Variants in GRID2IP observed in about 807,000 individuals in gnomAD.
The protein encoded by GRID2IP is Grid2 interacting protein, also known as delphilin.
GRID2IP carries 78 observed loss-of-function variants against 114.3 expected under a neutral mutation model. The ratio of observed to expected loss-of-function variants is 0.68; its 90% confidence interval spans 0.57 to 0.82. GRID2IP has a LOEUF of 0.82. Ranked by LOEUF, GRID2IP falls within the 40% of genes least tolerant of loss-of-function variation. GRID2IP has a pLI of 0.00. For synonymous variants in GRID2IP, 809 were observed against 724.0 expected, an observed-to-expected ratio of 1.12 and a Z score of -1.89; for missense variants, 1,727 against 1,678.5, an observed-to-expected ratio of 1.03 and a Z score of -0.51.
At chr7:6,501,415 G>C (rs928964267) in intron 20 of GRID2IP, among the ~76,000 whole-genome samples, 1 of 152,020 alleles carries the variant, frequency 6.6e-6, no homozygotes, top group Non-Finnish European at 1.5e-5. Flanking sequence ...TATAATCCAG[G>C]ATGGGACCTG....
chr7:6,508,963 C>G lies in GRID2IP; in HGVS notation c.2122G>C (p.Glu708Gln). ...DDFLTPENDY[E>Q]EMSFHDDQGS... ...ACACCTGCTTGCGTGCCCACCTCCT[C>G]GTAGTCGTTCTCCGGGGTCAGGAAA... The change falls in exon 12 of 22, where the codon GAG becomes CAG. Residue 708 changes from glutamate to glutamine, a missense_variant. Coordinates refer to ENST00000457091, the MANE Select transcript of GRID2IP (RefSeq NM_001145118.2). The surrounding 1 kb of genome is among the most constrained non-coding windows in gnomAD (Gnocchi z 5.6). The G allele has an allele frequency of 6.5e-7, 1 of 1,546,450 alleles. No homozygotes were observed. Among genetic ancestry groups the G allele is most frequent in the Non-Finnish European group, 8.7e-7 (1 of 1,146,528 alleles).
intron 1 of GRID2IP, among the ~76,000 whole-genome samples, chr7:6,550,701 C>G (rs1406357597): frequency 2.0e-5 from 3 of 148,816 alleles, no homozygotes; most frequent in Non-Finnish European, 4.5e-5. Flanking sequence ...TGGTGGCAAA[C>G]GCCTGTAATC....
In GRID2IP at chr7:6,503,542, G is replaced by T. The variant is rs1350304466; in HGVS notation, c.2856C>A (p.Ala952=). The T allele has an allele frequency of 6.5e-7, 1 of 1,527,486 alleles. No individual in the cohort carries two copies. Among genetic ancestry groups the T allele is most frequent in the Non-Finnish European group, 8.7e-7 (1 of 1,143,732 alleles). The allele number at this position is 1,527,486 out of a possible 1,614,324, so 94.6% of individuals were successfully genotyped here. Residue 952 remains alanine, a synonymous_variant, in exon 16 of 22, where the codon GCC becomes GCA. Coordinates refer to ENST00000457091, the MANE Select transcript of GRID2IP (RefSeq NM_001145118.2). Reference sequence around the variant, plus strand: ...TGAGGCGGCCGGGCGCCTCGCGGAAGGCCTGGTAGCGCTGCTCCTCGTCGG... The same window carrying T: ...TGAGGCGGCCGGGCGCCTCGCGGAATGCCTGGTAGCGCTGCTCCTCGTCGG... The part of the protein sequence containing the change: ...PDADEEQRYQ[A]FREAPGRLSE...
intron 7 of GRID2IP, among the ~76,000 whole-genome samples, chr7:6,517,215 C>T (rs569846710): frequency 2.7e-5 from 4 of 150,140 alleles, no homozygotes; most frequent in Admixed American, 6.7e-5. Flanking sequence ...CCACCACGCC[C>T]GGCTATTTTT....
intron 2 of GRID2IP, 52 bp downstream of exon 2, chr7:6,539,666 G>A (rs759542326): frequency 2.8e-5 from 41 of 1,471,176 alleles, no homozygotes; most frequent in Non-Finnish European, 3.2e-5. Context: ...GGGAATGATG[G>A]CTCTAAGTGA....
At chr7:6,522,807 A>ATGTGTGTGTG (rs72277817) in intron 4 of GRID2IP, among the ~76,000 whole-genome samples, 4,144 of 147,556 alleles carry the variant, frequency 0.028, 83 homozygotes, top group Middle Eastern at 0.094. Flanking sequence ...CCTGGCTAAT[A>ATGTGTGTGTG]TGTGTGTGTG....
At chr7:6,545,044 G>A (rs1306480691) in intron 1 of GRID2IP, among the ~76,000 whole-genome samples, 4 of 152,078 alleles carry the variant, frequency 2.6e-5, no homozygotes, top group Admixed American at 1.3e-4. Context: ...CCGAGATCGC[G>A]CCACTGCACT....
Position 6,498,239 on chromosome 7 carries a change from T to C in GRID2IP, c.3400-11A>G. 1 of 1,531,322 alleles carries C rather than the reference T, an allele frequency of 6.5e-7. No homozygotes were observed. Among genetic ancestry groups the C allele is most frequent in the Non-Finnish European group, 8.8e-7 (1 of 1,139,280 alleles). 94.9% of individuals were successfully genotyped at this position (1,531,322 alleles called of 1,614,324 possible). A position where few individuals can be genotyped will look rare whatever the true frequency, so the allele number is the denominator to read the frequency against. On this transcript the variant is annotated splice_polypyrimidine_tract_variant and intron_variant, in intron 20 of 21. Coordinates refer to ENST00000457091, the MANE Select transcript of GRID2IP (RefSeq NM_001145118.2). ...CGTCTCCAGGAAGGACTGACAGGCC[T>C]CAGTTAAGGAAACAGCCAGCCCGCT... is the stretch of plus-strand genomic sequence containing the variant.
At position 6,532,444 on chromosome 7, in the gene GRID2IP, G is replaced by A. The variant is rs890374776; in HGVS notation, c.585-5675C>T. On this transcript the variant is annotated intron_variant, in intron 2 of 21. Coordinates refer to ENST00000457091, the MANE Select transcript of GRID2IP (RefSeq NM_001145118.2). This position sits in a 1 kb window ranked among gnomAD's most constrained non-coding sequence, Gnocchi z 4.4. The stretch of plus-strand genomic sequence containing the variant: ...GGGAGGACCCTCTGGTCCGATCATC[G>A]GTCTCTGGTACTGTCCACGCACTGC... Among the ~76,000 whole-genome samples the A allele has an allele frequency of 6.6e-6, 1 of 152,164 alleles. No homozygotes were observed. The highest frequency in any genetic ancestry group is 2.4e-5 in the African/African-American group (1 of 41,426).
intron 1 of GRID2IP, among the ~76,000 whole-genome samples, chr7:6,546,755 C>T (rs572858683): frequency 1.3e-5 from 2 of 151,982 alleles, no homozygotes; most frequent in East Asian, 1.9e-4. Flanking sequence ...GGCAGCCTGT[C>T]GGATTCTACC....
chr7:6,520,058 G>C lies in GRID2IP; in HGVS notation c.1268+520C>G, dbSNP rs971369924. 6.6e-6 allele frequency among the ~76,000 whole-genome samples: 1 copy of C among 152,050 alleles called. No homozygotes were observed. Among genetic ancestry groups the C allele is most frequent in the Non-Finnish European group, 1.5e-5 (1 of 68,004 alleles). On this transcript the variant is annotated intron_variant, in intron 7 of 21. Coordinates refer to ENST00000457091, the MANE Select transcript of GRID2IP (RefSeq NM_001145118.2). This position sits in a 1 kb window ranked among gnomAD's most constrained non-coding sequence, Gnocchi z 4.6. Reference sequence around the variant, plus strand: ...TGGGAGGCCGAGGCGGGCAGATCACGAGGTCAGGAGTTTGAGACCAGCCTG... The same window carrying C: ...TGGGAGGCCGAGGCGGGCAGATCACCAGGTCAGGAGTTTGAGACCAGCCTG...
chr7:6,504,482 A>C (rs1007881012), intron 15 of GRID2IP, among the ~76,000 whole-genome samples: 3 of 148,442 alleles, frequency 2.0e-5, no homozygotes, highest in Non-Finnish European at 3.0e-5. Flanking sequence ...GAGACGCTAG[A>C]TTGAGAAGCT....
intron 2 of GRID2IP, among the ~76,000 whole-genome samples, chr7:6,538,797 C>A (rs891820413): frequency 2.0e-5 from 3 of 151,218 alleles, no homozygotes; most frequent in Admixed American, 1.3e-4. Flanking sequence ...TTGCTTGAAC[C>A]GGGGAGGCAG....
rs371454773 is a variant in GRID2IP at position 6,520,560 on chromosome 7, C to T, written c.1268+18G>A. ...GCCCACCCAGGGCAGGGCCCCACCG[C>T]GGCTTTGGCCCGGCCACCTGTGCTG... On this transcript the variant is annotated intron_variant, in intron 7 of 21. Coordinates refer to ENST00000457091, the MANE Select transcript of GRID2IP (RefSeq NM_001145118.2). This position sits in a 1 kb window ranked among gnomAD's most constrained non-coding sequence, Gnocchi z 4.6. The T allele has an allele frequency of 3.3e-4, 509 of 1,546,478 alleles. 4 individuals are homozygous for T. The African/African-American group carries it at 6.0e-3, about 18-fold the overall frequency.
Position 6,528,900 on chromosome 7 carries a change from C to T in GRID2IP, c.585-2131G>A, listed in dbSNP as rs899237967. ...TCCTGCAAATCCGGAAACACAGCCT[C>T]ATCCCCCAGATGGTCATTTAAGGTC... On this transcript the variant is annotated intron_variant, in intron 2 of 21. Coordinates refer to ENST00000457091, the MANE Select transcript of GRID2IP (RefSeq NM_001145118.2). The surrounding 1 kb of genome is among the most constrained non-coding windows in gnomAD (Gnocchi z 6.0). Among the ~76,000 whole-genome samples the T allele has an allele frequency of 6.6e-6, 1 of 152,164 alleles. No individual in the cohort carries two copies. Among genetic ancestry groups the T allele is most frequent in the African/African-American group, 2.4e-5 (1 of 41,444 alleles).
rs1382760491 is a variant in GRID2IP at position 6,520,272 on chromosome 7, T to TA, written c.1268+305dup. On this transcript the variant is annotated intron_variant, in intron 7 of 21. Coordinates refer to ENST00000457091, the MANE Select transcript of GRID2IP (RefSeq NM_001145118.2). This position sits in a 1 kb window ranked among gnomAD's most constrained non-coding sequence, Gnocchi z 4.6. The stretch of plus-strand genomic sequence containing the variant: ...TCATCATTGCACTCCAGCTGGGTGA[T>TA]AGAGCGAGACTCCATCTCAAAAAAA... Among the ~76,000 whole-genome samples the TA allele has an allele frequency of 2.0e-5, 3 of 150,286 alleles. No homozygotes were observed. The highest frequency in any genetic ancestry group is 5.0e-5 in the African/African-American group (2 of 40,194).
rs1174491400 is a variant in GRID2IP, at chr7:6,506,702, G to A, written c.2545-795C>T. Among the ~76,000 whole-genome samples, 3 of 125,098 alleles carry A rather than the reference G, an allele frequency of 2.4e-5. No individual in the cohort carries two copies. Among genetic ancestry groups the A allele is most frequent in the Non-Finnish European group, 4.9e-5 (3 of 60,928 alleles). The allele number at this position is 125,098 out of a possible 152,430, so 82.1% of individuals were successfully genotyped here. On this transcript the variant is annotated intron_variant, in intron 13 of 21. Transcript: ENST00000457091. This position sits in a 1 kb window ranked among gnomAD's most constrained non-coding sequence, Gnocchi z 5.2. ...AGGTATTTTTTTTTTTTTTTTTTTA[G>A]ATAGGGTCTCACTCTGTACCCCAGG...
intron 2 of GRID2IP, among the ~76,000 whole-genome samples, chr7:6,533,434 C>T (rs1269284078): frequency 6.6e-6 from 1 of 152,132 alleles, no homozygotes; most frequent in Non-Finnish European, 1.5e-5. Context: ...TCATGAATCA[C>T]TGCAGCCTCA....
At chr7:6,512,249 T>TTTTTTTTTTTTTG (rs59690888) in intron 8 of GRID2IP, among the ~76,000 whole-genome samples, 4 of 145,796 alleles carry the variant, frequency 2.7e-5, no homozygotes, top group African/African-American at 1.0e-4. Context: ...TTTTTTTTTT[T>TTTTTTTTTTTTTG]GTGACAGGTC....
Sources: allele counts gnomAD v4.1 joint callset (sites outside exome capture counted in the v4.1 genomes callset), GRCh38; gene constraint gnomAD v4.1.1; non-coding constraint Gnocchi (gnomAD v3.1); transcripts MANE v1.5; gene names NCBI Gene and HGNC (gene_info 2026-07-23, HGNC 2026-07-21).